ARFGAP3: variants seen among roughly 807,000 people sequenced by gnomAD.
The protein encoded by ARFGAP3 is ARF GTPase activating protein 3.
A neutral mutation model predicts 75.0 loss-of-function variants in ARFGAP3; 72 were observed. The observed-to-expected ratio is 0.96, with a 90% CI of 0.79 to 1.17. The LOEUF (loss-of-function observed/expected upper bound fraction) is 1.17, where lower values mean the gene tolerates loss of function less well. Among genes scored for constraint, ARFGAP3 ranks in the 50% most tolerant of loss-of-function variants. The probability of loss-of-function intolerance (pLI) is 0.00; values close to 1 mark genes in which losing one functional copy is unlikely to be tolerated. For missense variants in ARFGAP3, 620 were observed against 626.6 expected, an observed-to-expected ratio of 0.99 and a Z score of 0.11; for synonymous variants, 221 against 217.9, an observed-to-expected ratio of 1.01 and a Z score of -0.13.
At chr22:42,810,998 C>A in intron 11 of ARFGAP3, 54 bp from the exon 12 acceptor site, 1 of 1,590,836 alleles carries the variant, frequency 6.3e-7, no homozygotes, top group South Asian at 1.1e-5. Flanking sequence ...GACACTCGTC[C>A]TGGGCTCTCT....
intron 11 of ARFGAP3, among the ~76,000 whole-genome samples, chr22:42,812,968 G>C (rs746008034): frequency 1.3e-5 from 2 of 152,274 alleles, no homozygotes; most frequent in Non-Finnish European, 1.5e-5. Flanking sequence ...TCAGAGAAGA[G>C]AGATCAGGAC....
chr22:42,810,293 G>A (rs773650091), intron 12 of ARFGAP3, among the ~76,000 whole-genome samples: 31 of 151,876 alleles, frequency 2.0e-4, no homozygotes, highest in African/African-American at 7.3e-5. Context: ...TGAGGCAACC[G>A]TCTCTACTAA....
At chr22:42,824,924 T>C (rs888278353) in intron 7 of ARFGAP3, among the ~76,000 whole-genome samples, 8 of 152,206 alleles carry the variant, frequency 5.3e-5, no homozygotes, top group African/African-American at 9.7e-5. Flanking sequence ...CCCCCACTTA[T>C]AAGTGAAAAC....
At chr22:42,857,025 T>C in intron 1 of ARFGAP3, 89 bp downstream of exon 1, 1 of 1,337,558 alleles carries the variant, frequency 7.5e-7, no homozygotes, top group Non-Finnish European at 9.7e-7. Flanking sequence ...CGGCCCCGCC[T>C]CCCAAGCCAC....
In ARFGAP3 at chr22:42,837,854, A is replaced by AT. The variant is rs111624257; in HGVS notation, c.262-2362dup. Among the ~76,000 whole-genome samples, 1,464 of 147,496 alleles carry AT rather than the reference A, an allele frequency of 9.9e-3. 29 individuals carry two copies. The highest frequency in any genetic ancestry group is 0.035 in the African/African-American group (1,387 of 40,180). ...CACCACTATGCCTGGCTAATTTAAAATTTTTTTTTTGTAGACTTTGTTGTC... is the reference window on the plus strand; with the variant it reads ...CACCACTATGCCTGGCTAATTTAAAATTTTTTTTTTTGTAGACTTTGTTGTC... On this transcript the variant is annotated intron_variant, in intron 3 of 15. Coordinates refer to ENST00000263245, the MANE Select transcript of ARFGAP3 (RefSeq NM_014570.5).
At position 42,817,259 on chromosome 22, in the gene ARFGAP3, A is replaced by C; in HGVS notation, c.947T>G (p.Ile316Ser). The change falls in exon 11 of 16, where the codon ATT (isoleucine) becomes AGT (serine). Residue 316 changes from isoleucine to serine, a missense_variant. Transcript: ENST00000263245. ...CATATCTGAAGTCACTGAATGTGAA[A>C]TAACACTTGAGAAAACAGAAAAATA... ...GMGFGNCRSV[I>S]SHSVTSDMQT... 1 of 1,606,324 alleles carries C rather than the reference A, an allele frequency of 6.2e-7. No individual in the cohort carries two copies. Among genetic ancestry groups the C allele is most frequent in the South Asian group, 1.1e-5 (1 of 89,532 alleles).
At chr22:42,824,148 G>A (rs1172466674) in intron 7 of ARFGAP3, among the ~76,000 whole-genome samples, 2 of 147,900 alleles carry the variant, frequency 1.4e-5, no homozygotes, top group Non-Finnish European at 3.0e-5. Context: ...GGGATCACAG[G>A]TGCGCACCAC....
At chr22:42,819,740 C>T (rs1031977133) in intron 9 of ARFGAP3, among the ~76,000 whole-genome samples, 1 of 152,184 alleles carries the variant, frequency 6.6e-6, no homozygotes, top group Non-Finnish European at 1.5e-5. Context: ...CAACACTGTT[C>T]TGACAGTTTA....
intron 13 of ARFGAP3, among the ~76,000 whole-genome samples, 188 bp downstream of exon 13, chr22:42,808,579 T>C (rs1925228761): frequency 6.6e-6 from 1 of 152,214 alleles, no homozygotes; most frequent in African/African-American, 2.4e-5. Flanking sequence ...AACATTCCTC[T>C]TGCTGAGGTA....
chr22:42,835,980 CTTTTTTTTT>C (rs545758118), intron 3 of ARFGAP3, among the ~76,000 whole-genome samples: 2 of 105,744 alleles, frequency 1.9e-5, no homozygotes, highest in Non-Finnish European at 3.7e-5. Context: ...CCATTTCTTT[CTTTTTTTTT>C]TTTTTTTTTT....
At chr22:42,831,278 C>T (rs56866209) in intron 6 of ARFGAP3, among the ~76,000 whole-genome samples, 1 of 135,944 alleles carries the variant, frequency 7.4e-6, no homozygotes, top group Non-Finnish European at 1.5e-5. Flanking sequence ...CAGAGCAAGA[C>T]TTAGTCTCAA....
At chr22:42,852,329 G>A (rs1232565698) in intron 1 of ARFGAP3, among the ~76,000 whole-genome samples, 1 of 151,604 alleles carries the variant, frequency 6.6e-6, no homozygotes. Context: ...AAAGTGCTGG[G>A]ATTACAGGCG....
At chr22:42,821,340 C>T (rs1285164680) in intron 9 of ARFGAP3, among the ~76,000 whole-genome samples, 2 of 152,236 alleles carry the variant, frequency 1.3e-5, no homozygotes, top group African/African-American at 4.8e-5. Context: ...AGAACACTTT[C>T]AGCAGTCCAA....
intron 6 of ARFGAP3, among the ~76,000 whole-genome samples, chr22:42,829,020 A>C (rs1273641329): frequency 6.6e-6 from 1 of 152,194 alleles, no homozygotes. Flanking sequence ...TATAATAGTG[A>C]AAATAGTTAA....
At chr22:42,799,329 C>T in intron 14 of ARFGAP3, 169 bp from the exon 15 acceptor site, 1 of 749,476 alleles carries the variant, frequency 1.3e-6, no homozygotes. Context: ...GCAGCCCTGC[C>T]ATGATCCACA....
intron 12 of ARFGAP3, among the ~76,000 whole-genome samples, chr22:42,809,210 G>GTA (rs1459331921): frequency 1.3e-5 from 2 of 152,106 alleles, no homozygotes; most frequent in Non-Finnish European, 2.9e-5. Flanking sequence ...TCTCTACATT[G>GTA]TATAGGTTAT....
intron 1 of ARFGAP3, among the ~76,000 whole-genome samples, chr22:42,850,443 C>T (rs1256265380): frequency 6.6e-6 from 1 of 151,552 alleles, no homozygotes; most frequent in Non-Finnish European, 1.5e-5. Flanking sequence ...CGTGGTGGAA[C>T]GTGCCTGTAG....
intron 1 of ARFGAP3, chr22:42,853,393 T>G (rs1927364682): frequency 4.6e-6 from 1 of 218,424 alleles, no homozygotes; most frequent in South Asian, 8.0e-5. Flanking sequence ...GGATCGTTTC[T>G]ACTCCTTTTT....
chr22:42,805,483 G>C (rs932019949), intron 14 of ARFGAP3, among the ~76,000 whole-genome samples: 2 of 152,200 alleles, frequency 1.3e-5, no homozygotes, highest in Non-Finnish European at 2.9e-5. Context: ...GGGGCTGCTG[G>C]AGGTCTCCAA....
Sources: gnomAD v4.1 joint callset for allele counts (sites outside exome capture counted in the v4.1 genomes callset) on GRCh38, gnomAD v4.1.1 for gene constraint, MANE v1.5 for transcripts, NCBI Gene and HGNC (gene_info 2026-07-23, HGNC 2026-07-21) for gene names.